Variants in ALOX5 observed in about 807,000 individuals in gnomAD.
The protein encoded by ALOX5 is arachidonate 5-lipoxygenase.
ALOX5 carries 64 observed loss-of-function variants against 87.9 expected under a neutral mutation model. That is an observed-to-expected ratio of 0.73 (90% CI 0.60 to 0.90). The LOEUF (loss-of-function observed/expected upper bound fraction) is 0.90. Among genes scored for constraint, ALOX5 ranks in the 40% least tolerant of loss-of-function variants. The pLI is 0.00. For synonymous variants in ALOX5, 388 were observed against 355.1 expected (o/e 1.09, Z -1.04); for missense variants, 822 against 907.5 (o/e 0.91, Z 1.21).
chr10:45,413,305 T>C (rs1344832831), intron 4 of ALOX5, among the ~76,000 whole-genome samples: 1 of 152,174 alleles, frequency 6.6e-6, no homozygotes, highest in Non-Finnish European at 1.5e-5. Flanking sequence ...AATCAATAAA[T>C]GTAATCTAGC....
chr10:45,381,688 T>C (rs752656054), intron 1 of ALOX5, among the ~76,000 whole-genome samples: 3 of 152,240 alleles, frequency 2.0e-5, no homozygotes, highest in Non-Finnish European at 4.4e-5. Context: ...TCCTCCAGCC[T>C]GAGCTAAGTG....
At chr10:45,440,715 G>A in intron 8 of ALOX5, 82 bp downstream of exon 8, 1 of 1,454,624 alleles carries the variant, frequency 6.9e-7, no homozygotes, top group South Asian at 1.2e-5. Flanking sequence ...CCCACAGGGG[G>A]ACCTGTGGCT....
intron 1 of ALOX5, among the ~76,000 whole-genome samples, chr10:45,380,955 A>G (rs567067262): frequency 1.6e-4 from 24 of 152,368 alleles, no homozygotes; most frequent in African/African-American, 5.3e-4. Context: ...ATAAAAAAGA[A>G]CATGCCTTGG....
chr10:45,409,527 C>CTCTCTCTCTCTG (rs1421396818), intron 3 of ALOX5, among the ~76,000 whole-genome samples: 50 of 150,556 alleles, frequency 3.3e-4, no homozygotes, highest in African/African-American at 1.1e-3. Context: ...CTCTCTCTCT[C>CTCTCTCTCTCTG]TCTCTCTGTC....
At chr10:45,374,726 A>T (rs1839529809) in intron 1 of ALOX5, among the ~76,000 whole-genome samples, 1 of 152,162 alleles carries the variant, frequency 6.6e-6, no homozygotes, top group African/African-American at 2.4e-5. Flanking sequence ...TGGGAGGAGA[A>T]GGCCCAAGGT....
intron 2 of ALOX5, among the ~76,000 whole-genome samples, chr10:45,384,257 A>T (rs916853188): frequency 6.6e-6 from 1 of 152,212 alleles, no homozygotes; most frequent in Non-Finnish European, 1.5e-5. Flanking sequence ...CTTTCTGGTC[A>T]GAGTTCCCAG....
At chr10:45,418,287 G>A (rs1841368040) in intron 4 of ALOX5, among the ~76,000 whole-genome samples, 4 of 152,150 alleles carry the variant, frequency 2.6e-5, no homozygotes, top group Admixed American at 2.0e-4. Context: ...GCCCTGGGCC[G>A]GTGGGGGTTG....
At chr10:45,394,487 A>G (rs1256102787) in intron 2 of ALOX5, among the ~76,000 whole-genome samples, 1 of 152,230 alleles carries the variant, frequency 6.6e-6, no homozygotes, top group Non-Finnish European at 1.5e-5. Flanking sequence ...TGTTAGACCT[A>G]AAACCATCAA....
At position 45,445,669 on chromosome 10, in the gene ALOX5, G is replaced by A. The variant is rs150435655; in HGVS notation, c.2007G>A (p.Pro669=). ...ACTACTTGTCCCCAGACCGGATTCC[G>A]AACAGTGTGGCCATCTGAGCACACT... The part of the protein sequence containing the change: ...PYYYLSPDRI[P]NSVAI The change falls in exon 14 of 14, where the codon CCG becomes CCA. Residue 669 remains proline (P), a synonymous_variant. Coordinates refer to ENST00000374391, the MANE Select transcript of ALOX5 (RefSeq NM_000698.5). 5.1e-5 allele frequency: 83 copies of A among 1,613,704 alleles called. No homozygotes were observed. Among genetic ancestry groups the A allele is most frequent in the Admixed American group, 1.3e-4 (8 of 60,006 alleles).
chr10:45,421,248 C>A (rs1841495729), intron 4 of ALOX5, among the ~76,000 whole-genome samples: 1 of 152,254 alleles, frequency 6.6e-6, no homozygotes, highest in Non-Finnish European at 1.5e-5. Flanking sequence ...TCTGTGGCTT[C>A]TTCTGAGAAC....
intron 2 of ALOX5, among the ~76,000 whole-genome samples, chr10:45,390,693 T>G (rs894118765): frequency 1.3e-5 from 2 of 152,162 alleles, no homozygotes; most frequent in Admixed American, 6.5e-5. Context: ...TTTAAAGCAG[T>G]GTGTAGAGGG....
intron 7 of ALOX5, among the ~76,000 whole-genome samples, chr10:45,433,276 G>T (rs1348586418): frequency 6.6e-6 from 1 of 152,124 alleles, no homozygotes; most frequent in East Asian, 1.9e-4. Context: ...CCGGAGCAAG[G>T]TCAGAGCTTC....
intron 1 of ALOX5, among the ~76,000 whole-genome samples, chr10:45,380,609 A>G (rs1365348772): frequency 6.6e-6 from 1 of 152,196 alleles, no homozygotes; most frequent in African/African-American, 2.4e-5. Context: ...TTCTGCCGCC[A>G]GGGATAAAGT....
At chr10:45,418,488 C>A (rs551608134) in intron 4 of ALOX5, among the ~76,000 whole-genome samples, 4 of 152,300 alleles carry the variant, frequency 2.6e-5, no homozygotes, top group African/African-American at 7.2e-5. Context: ...TCTGGGACCG[C>A]GTCTCCACCA....
intron 2 of ALOX5, among the ~76,000 whole-genome samples, chr10:45,387,659 G>A (rs1588986412): frequency 6.6e-6 from 1 of 152,208 alleles, no homozygotes; most frequent in Admixed American, 6.5e-5. Flanking sequence ...ACCAAGCCTG[G>A]CTCTTGCATC....
chr10:45,402,287 C>G (rs1363925820), intron 3 of ALOX5, among the ~76,000 whole-genome samples: 1 of 152,146 alleles, frequency 6.6e-6, no homozygotes, highest in African/African-American at 2.4e-5. Context: ...AAATCCCACA[C>G]CAAGAACACA....
Position 45,412,257 on chromosome 10 carries a change from T to C in ALOX5, c.498T>C (p.Arg166=). 1 of 1,613,440 alleles carries C rather than the reference T, an allele frequency of 6.2e-7. No individual in the cohort carries two copies. The highest frequency in any genetic ancestry group is 8.5e-7 in the Non-Finnish European group (1 of 1,179,372). ...IDAKCHKDLP[R]DIQFDSEKGV... ...CCAAATGCCACAAGGATTTACCCCG[T>C]GATATCCAGTTTGATAGTGAAAAAG... The change falls in exon 4 of 14, where the codon CGT becomes CGC. Residue 166 remains arginine (R), a synonymous_variant. Coordinates refer to ENST00000374391, the MANE Select transcript of ALOX5 (RefSeq NM_000698.5).
chr10:45,374,253 G>T lies in ALOX5; in HGVS notation c.-27G>T. 6.9e-7 allele frequency: 1 copy of T among 1,455,718 alleles called. No homozygotes were observed. 90.2% of individuals were successfully genotyped at this position (1,455,718 alleles called of 1,614,324 possible). ...CTGGACCGCCGCGCCGAGGCTCCCGGCGCTCGCTGCTCCCGCGGCCCGCGC... is the reference window on the plus strand; with the variant it reads ...CTGGACCGCCGCGCCGAGGCTCCCGTCGCTCGCTGCTCCCGCGGCCCGCGC... On this transcript the variant is annotated 5_prime_UTR_variant, in exon 1 of 14. Coordinates refer to ENST00000374391, the MANE Select transcript of ALOX5 (RefSeq NM_000698.5).
intron 3 of ALOX5, among the ~76,000 whole-genome samples, chr10:45,397,209 C>T (rs566725505): frequency 2.0e-5 from 3 of 152,162 alleles, no homozygotes; most frequent in East Asian, 1.9e-4. Context: ...GGTGAAACCC[C>T]GTCTATACTA....
Sources: gnomAD v4.1 joint callset for allele counts (sites outside exome capture counted in the v4.1 genomes callset) on GRCh38, gnomAD v4.1.1 for gene constraint, MANE v1.5 for transcripts, NCBI Gene and HGNC (gene_info 2026-07-23, HGNC 2026-07-21) for gene names.